Variants in MRPL39 observed in about 807,000 individuals in gnomAD.
The protein encoded by MRPL39 is mitochondrial ribosomal protein L39, also known as large ribosomal subunit protein mL39.
Under a neutral mutation model 44.5 loss-of-function variants are expected in MRPL39, and 35 were observed. That is an observed-to-expected ratio of 0.79 (90% CI 0.60 to 1.04). MRPL39 has a LOEUF of 1.04. Among genes scored for constraint, MRPL39 ranks in the 50% least tolerant of loss-of-function variants. The pLI is 0.00. For missense variants in MRPL39, 433 were observed against 413.5 expected, an observed-to-expected ratio of 1.05 and a Z score of -0.41; for synonymous variants, 139 against 136.1, an observed-to-expected ratio of 1.02 and a Z score of -0.15.
intron 3 of MRPL39, among the ~76,000 whole-genome samples, chr21:25,602,747 T>A (rs2031557649): frequency 6.6e-6 from 1 of 152,174 alleles, no homozygotes; most frequent in Non-Finnish European, 1.5e-5. Context: ...GCCTTTTAAT[T>A]GAATTGTAAA....
chr21:25,587,834 A>T, intron 9 of MRPL39: 9 of 1,408,850 alleles, frequency 6.4e-6, no homozygotes, highest in Non-Finnish European at 9.0e-6. Context: ...ACTTGAAAAT[A>T]AGTTTAATGT....
chr21:25,600,016 C>T, intron 4 of MRPL39, 150 bp from the exon 5 acceptor site: 4 of 617,312 alleles, frequency 6.5e-6, no homozygotes, highest in Non-Finnish European at 1.1e-5. Context: ...CTTCCAGCTG[C>T]TTGCCAGAGC....
chr21:25,586,506 C>T (rs974202298), intron 9 of MRPL39, among the ~76,000 whole-genome samples: 1 of 152,168 alleles, frequency 6.6e-6, no homozygotes, highest in African/African-American at 2.4e-5. Context: ...AGCTGATCAA[C>T]AGGTCACTTC....
At chr21:25,603,213 A>G (rs2031570510) in intron 3 of MRPL39, among the ~76,000 whole-genome samples, 5 of 152,176 alleles carry the variant, frequency 3.3e-5, no homozygotes. Flanking sequence ...AGTACTCTAA[A>G]GAGGCCAGAG....
intron 9 of MRPL39, chr21:25,587,713 C>A (rs2031043048): frequency 6.2e-7 from 1 of 1,606,152 alleles, no homozygotes; most frequent in African/African-American, 1.3e-5. Context: ...TGAGACTGTT[C>A]CATGGAGGAG....
At position 25,603,927 on chromosome 21, in the gene MRPL39, C is replaced by T. The variant is rs764499775; in HGVS notation, c.289G>A (p.Glu97Lys). Residue 97 changes from glutamate (E) to lysine (K), a missense_variant, in exon 3 of 10, where the codon GAG becomes AAG. Glu to Lys is a moderately conservative substitution (Grantham distance 56). Transcript: ENST00000352957. ...TPYSCAMHLS[E>K]WYCRKSILAL... ...AGAATGGACTTCCTGCAATACCACT[C>T]GCTTAAATCTAGAAATTTAAAACAG... The T allele has an allele frequency of 5.0e-6, 8 of 1,605,616 alleles. No homozygotes were observed. Among genetic ancestry groups the T allele is most frequent in the South Asian group, 2.2e-5 (2 of 89,026 alleles).
intron 2 of MRPL39, 76 bp downstream of exon 2, chr21:25,606,373 A>T: frequency 7.7e-7 from 1 of 1,299,614 alleles, no homozygotes; most frequent in South Asian, 1.5e-5. Context: ...TAATTACAGC[A>T]TCCTGTCTCC....
At chr21:25,588,033 C>T (rs1379961756) in intron 9 of MRPL39, among the ~76,000 whole-genome samples, 4 of 152,118 alleles carry the variant, frequency 2.6e-5, no homozygotes, top group South Asian at 2.1e-4. Flanking sequence ...TCACCCGGGC[C>T]GGGCGCGGTG....
At chr21:25,593,130 A>C (rs2031236260) in intron 7 of MRPL39, among the ~76,000 whole-genome samples, 165 bp from the exon 8 acceptor site, 1 of 152,192 alleles carries the variant, frequency 6.6e-6, no homozygotes. Context: ...ATCTCAAGTA[A>C]AGAGGCTAAA....
chr21:25,598,024 C>T (rs901185837), intron 5 of MRPL39, among the ~76,000 whole-genome samples: 2 of 152,068 alleles, frequency 1.3e-5, no homozygotes, highest in Non-Finnish European at 2.9e-5. Context: ...AGCTTTCATA[C>T]TGTAAATCAT....
chr21:25,597,510 T>TC (rs2031397182), intron 5 of MRPL39, 96 bp from the exon 6 acceptor site: 1 of 605,608 alleles, frequency 1.7e-6, no homozygotes, highest in African/African-American at 1.9e-5. Context: ...GTACTGCAAA[T>TC]CCAACTAAAA....
intron 5 of MRPL39, among the ~76,000 whole-genome samples, chr21:25,599,101 T>C (rs2829824): frequency 0.7 from 106,684 of 152,028 alleles, 38,882 homozygotes; most frequent in Non-Finnish European, 0.82. Flanking sequence ...CCAGGCTTGA[T>C]CTTTGATAAC....
At chr21:25,589,932 A>G (rs924150981) in intron 8 of MRPL39, among the ~76,000 whole-genome samples, 1 of 152,206 alleles carries the variant, frequency 6.6e-6, no homozygotes, top group Non-Finnish European at 1.5e-5. Flanking sequence ...GCAGGCAGGG[A>G]CCAGATAATG....
At chr21:25,596,672 TTA>T (rs201288945) in intron 6 of MRPL39, among the ~76,000 whole-genome samples, 622 of 23,462 alleles carry the variant, frequency 0.027, 4 homozygotes, top group African/African-American at 0.044. Flanking sequence ...TCAGACTCTG[TTA>T]TTTTTTTTTT....
At chr21:25,607,490 C>T (rs370071693), upstream of MRPL39, 5 of 1,609,330 alleles carry the variant, frequency 3.1e-6, no homozygotes, top group Middle Eastern at 1.7e-4. Context: ...GCGGTGAGAA[C>T]CGTCGCGCGC....
intron 4 of MRPL39, among the ~76,000 whole-genome samples, chr21:25,600,715 T>A (rs1418176902): frequency 1.3e-5 from 2 of 152,148 alleles, no homozygotes; most frequent in African/African-American, 4.8e-5. Flanking sequence ...TCTGGTGAAA[T>A]ATTACCACCT....
intron 6 of MRPL39, among the ~76,000 whole-genome samples, chr21:25,595,358 C>T (rs1409046553): frequency 6.6e-6 from 1 of 152,228 alleles, no homozygotes; most frequent in African/African-American, 2.4e-5. Flanking sequence ...CCCACCCTTA[C>T]TCCTGCAGCA....
chr21:25,586,386 T>A (rs1011310672), intron 9 of MRPL39, among the ~76,000 whole-genome samples: 2 of 152,220 alleles, frequency 1.3e-5, no homozygotes, highest in African/African-American at 4.8e-5. Flanking sequence ...ATTCTCCCTA[T>A]CGCGGCTGAA....
At chr21:25,596,674 ATTT>A (rs35909574) in intron 6 of MRPL39, among the ~76,000 whole-genome samples, 28 of 149,138 alleles carry the variant, frequency 1.9e-4, no homozygotes, top group Non-Finnish European at 1.3e-4. Flanking sequence ...AGACTCTGTT[ATTT>A]TTTTTTTTTT....
Sources: gnomAD v4.1 joint callset for allele counts (sites outside exome capture counted in the v4.1 genomes callset) on GRCh38, gnomAD v4.1.1 for gene constraint, MANE v1.5 for transcripts, NCBI Gene and HGNC (gene_info 2026-07-23, HGNC 2026-07-21) for gene names.